Variants in STAT2 observed in about 807,000 individuals in gnomAD.
The protein encoded by STAT2 is signal transducer and activator of transcription 2.
In STAT2, 51 loss-of-function variants were observed where a neutral mutation model predicts 122.3. That is an observed-to-expected ratio of 0.42 (90% CI 0.33 to 0.53). The LOEUF (loss-of-function observed/expected upper bound fraction) is 0.53. STAT2 is among the 20% of genes least tolerant of loss of function. STAT2 has a pLI of 0.10. For missense variants in STAT2, 736 were observed against 1,010.3 expected (o/e 0.73, Z 3.68); for synonymous variants, 351 against 394.9 (o/e 0.89, Z 1.32).
intron 19 of STAT2, among the ~76,000 whole-genome samples, chr12:56,347,201 T>G (rs1164392191): frequency 6.6e-6 from 1 of 152,126 alleles, no homozygotes; most frequent in Non-Finnish European, 1.5e-5. Context: ...TTTTTTTTTT[T>G]TCTGGGAGAC....
At chr12:56,354,918 G>A (rs1879277659) in intron 6 of STAT2, 55 bp from the exon 7 acceptor site, 2 of 1,549,122 alleles carry the variant, frequency 1.3e-6, no homozygotes, top group Non-Finnish European at 1.8e-6. Context: ...CTTCCTGACT[G>A]GGGTCTCAGT....
chr12:56,346,088 T>C lies in STAT2; in HGVS notation c.2102+58A>G, dbSNP rs184159392. 29 of 1,613,026 alleles carry C rather than the reference T, an allele frequency of 1.8e-5. No homozygotes were observed. In the Admixed American group the frequency reaches 2.3e-4, roughly 13 times the overall value. ...AGAAGGTAATGCCCCCTTTTGACGA[T>C]TCACTGAAGCAGAGCCAAAAAGGAT... On this transcript the variant is annotated intron_variant, in intron 22 of 23. Coordinates refer to ENST00000314128, the MANE Select transcript of STAT2 (RefSeq NM_005419.4).
intron 20 of STAT2, 72 bp downstream of exon 20, chr12:56,346,726 TCAGAGCCAGGGAAGCCAAGGG>T: frequency 1.2e-6 from 2 of 1,604,344 alleles, no homozygotes; most frequent in African/African-American, 2.7e-5. Context: ...GGGATTCAGT[TCAGAGCCAGGGAAGCCAAGGG>T]CAGGCAGAGG....
intron 8 of STAT2, 25 bp downstream of exon 8, chr12:56,354,441 C>T (rs747087533): frequency 7.6e-5 from 122 of 1,613,724 alleles, no homozygotes; most frequent in Non-Finnish European, 9.4e-5. Flanking sequence ...ATGGCGAGGA[C>T]GAGGGTTGGG....
chr12:56,343,830 A>G lies in STAT2; in HGVS notation c.2408T>C (p.Met803Thr), dbSNP rs369138789. ...CDLRHLNTEP[M>T]EIFRNCVKIE... ...AGCTCCATCTCATCACTTACTTTCC[A>G]TTGGCTCAGTGTTCAAATGTCTCAG... The change falls in exon 23 of 24, where the codon ATG becomes ACG. Residue 803 changes from methionine (M) to threonine (T), a missense_variant. Physicochemically the swap from Met to Thr is moderately conservative, Grantham distance 81. Coordinates refer to ENST00000314128, the MANE Select transcript of STAT2 (RefSeq NM_005419.4). 6.2e-7 allele frequency: 1 copy of G among 1,613,914 alleles called. No homozygotes were observed. The highest frequency in any genetic ancestry group is 1.3e-5 in the African/African-American group (1 of 74,926).
intron 19 of STAT2, 35 bp downstream of exon 19, chr12:56,348,494 A>G: frequency 1.2e-6 from 2 of 1,610,894 alleles, no homozygotes; most frequent in Non-Finnish European, 1.7e-6. Context: ...CCCGGAAAGC[A>G]CAAGCCCATG....
intron 22 of STAT2, among the ~76,000 whole-genome samples, chr12:56,345,877 C>T (rs1462817609): frequency 1.3e-5 from 2 of 151,468 alleles, no homozygotes; most frequent in African/African-American, 4.9e-5. Context: ...CCTGTGGAGA[C>T]AACCTAAGGA....
At chr12:56,358,632 C>T (rs745822804) in intron 1 of STAT2, among the ~76,000 whole-genome samples, 1 of 152,144 alleles carries the variant, frequency 6.6e-6, no homozygotes, top group Non-Finnish European at 1.5e-5. Flanking sequence ...AGGAGGAGCT[C>T]CATTCTAGAA....
At chr12:56,353,467 T>G (rs1565656570) in intron 8 of STAT2, among the ~76,000 whole-genome samples, 1 of 152,126 alleles carries the variant, frequency 6.6e-6, no homozygotes, top group South Asian at 2.1e-4. Context: ...TATAATAAAT[T>G]TTTAAATGAG....
rs80325067 is a variant in STAT2, at chr12:56,349,210, C to A, written c.1393G>T (p.Ala465Ser). 21 of 1,614,112 alleles carry A rather than the reference C, an allele frequency of 1.3e-5. No homozygotes were observed. The highest frequency in any genetic ancestry group is 1.6e-5 in the Non-Finnish European group (19 of 1,180,036). ...TTGAACCAGAGAACTGAAGCCCAGG[C>A]AATTGAGAGCTGGTTCATGTTGGAA... ...IISNMNQLSIAWASVLWFNLL... is the reference protein window; with the variant it reads ...IISNMNQLSISWASVLWFNLL... Residue 465 changes from alanine (A) to serine (S), a missense_variant, in exon 16 of 24, where the codon GCC becomes TCC. Ala to Ser is a moderately conservative substitution (Grantham distance 99). Coordinates refer to ENST00000314128, the MANE Select transcript of STAT2 (RefSeq NM_005419.4).
At chr12:56,353,237 G>A (rs774606968) in intron 8 of STAT2, among the ~76,000 whole-genome samples, 6 of 152,266 alleles carry the variant, frequency 3.9e-5, no homozygotes, top group Non-Finnish European at 7.3e-5. Flanking sequence ...ACCCACCTTG[G>A]CCTCCCACAG....
chr12:56,345,284 G>A (rs1164856497), intron 22 of STAT2, among the ~76,000 whole-genome samples: 4 of 148,928 alleles, frequency 2.7e-5, no homozygotes, highest in Non-Finnish European at 5.9e-5. Flanking sequence ...GAGGCCAGGA[G>A]TTCAAGACCA....
At chr12:56,347,014 G>A (rs1877584996) in intron 19 of STAT2, 59 bp from the exon 20 acceptor site, 1 of 1,593,886 alleles carries the variant, frequency 6.3e-7, no homozygotes, top group African/African-American at 1.3e-5. Context: ...CCAGGCCCCT[G>A]CCTCCCTGCT....
rs773204330 is a variant in STAT2, at chr12:56,351,305, G to A, written c.928C>T (p.Arg310Cys). 5.0e-6 allele frequency: 8 copies of A among 1,613,998 alleles called. No homozygotes were observed. The highest frequency in any genetic ancestry group is 1.6e-4 in the Middle Eastern group (1 of 6,062). ...RNAQVTELLQ[R>C]LLHRAFVVET... is the part of the protein sequence containing the mutation. ...TGGCCTCTAGACCTGTGGAGCAGAC[G>A]CTGTAGCAACTCTGTGACCTGGGCG... The change falls in exon 9 of 24, where the codon CGT (arginine) becomes TGT (cysteine). Residue 310 changes from arginine to cysteine, a missense_variant. Coordinates refer to ENST00000314128, the MANE Select transcript of STAT2 (RefSeq NM_005419.4).
intron 8 of STAT2, chr12:56,352,371 T>TTTTG (rs1565655623): frequency 3.8e-3 from 108 of 28,454 alleles, no homozygotes; most frequent in East Asian, 6.0e-3. Context: ...TTTTTTTTTT[T>TTTTG]GGTGGGGGTG....
chr12:56,345,514 A>ATAT (rs1278781589), intron 22 of STAT2, among the ~76,000 whole-genome samples: 1 of 27,180 alleles, frequency 3.7e-5, no homozygotes, highest in South Asian at 1.4e-3. Context: ...AAAAAAAAAA[A>ATAT]AAAAAAAAAA....
rs745859242 is a variant in STAT2, at chr12:56,349,533, A to C, written c.1258-24T>G. The C allele has an allele frequency of 2.5e-6, 4 of 1,614,190 alleles. No homozygotes were observed. In the South Asian group the frequency reaches 4.4e-5, roughly 18 times the overall value. ...CCCTGGGACAGCCAAAGACATAGTC[A>C]TCAGAAGGCTCTTTGGCAAGCTCCC... On this transcript the variant is annotated intron_variant, in intron 14 of 23. Transcript: ENST00000314128.
At chr12:56,357,148 T>C (rs1287851458) in intron 1 of STAT2, among the ~76,000 whole-genome samples, 4 of 151,004 alleles carry the variant, frequency 2.6e-5, no homozygotes, top group African/African-American at 9.7e-5. Context: ...GTGATTCTTC[T>C]GCCTCAGCCT....
chr12:56,350,945 T>C, intron 10 of STAT2, 57 bp from the exon 11 acceptor site: 10 of 1,599,296 alleles, frequency 6.3e-6, no homozygotes, highest in Non-Finnish European at 7.7e-6. Flanking sequence ...CCGGATAGAC[T>C]AGATGTTTGA....
Sources: gnomAD v4.1 joint callset for allele counts (sites outside exome capture counted in the v4.1 genomes callset) on GRCh38, gnomAD v4.1.1 for gene constraint, MANE v1.5 for transcripts, NCBI Gene and HGNC (gene_info 2026-07-23, HGNC 2026-07-21) for gene names.